REV1: variants seen among roughly 807,000 people sequenced by gnomAD.
The protein encoded by REV1 is REV1 DNA directed polymerase.
REV1 carries 42 observed loss-of-function variants against 137.4 expected under a neutral mutation model. The observed-to-expected ratio is 0.31, with a 90% CI of 0.24 to 0.40. The LOEUF (loss-of-function observed/expected upper bound fraction) is 0.40, where lower values mean the gene tolerates loss of function less well. Among genes scored for constraint, REV1 ranks in the 10% least tolerant of loss-of-function variants. REV1 has a pLI of 1.00. For synonymous variants in REV1, 524 were observed against 519.2 expected, an observed-to-expected ratio of 1.01 and a Z score of -0.12; for missense variants, 1,282 against 1,490.1, an observed-to-expected ratio of 0.86 and a Z score of 2.30.
intron 7 of REV1, among the ~76,000 whole-genome samples, chr2:99,434,980 T>C (rs1164102885): frequency 6.6e-6 from 1 of 152,172 alleles, no homozygotes; most frequent in African/African-American, 2.4e-5. Context: ...TTTCCTTTTG[T>C]ATGCATGTTA....
chr2:99,464,681 A>T (rs1418618324), intron 2 of REV1, among the ~76,000 whole-genome samples: 1 of 152,212 alleles, frequency 6.6e-6, no homozygotes, highest in Non-Finnish European at 1.5e-5. Context: ...CAATAAAATC[A>T]TCATATAGTA....
Position 99,410,771 on chromosome 2 carries a change from T to C in REV1, c.2269A>G (p.Ile757Val). 6.2e-7 allele frequency: 1 copy of C among 1,612,464 alleles called. No homozygotes were observed. The highest frequency in any genetic ancestry group is 8.5e-7 in the Non-Finnish European group (1 of 1,179,608). ...GGAGCCCCAGGCTTTCGTACCATGA[T>C]TTTGAGAGTTAGACGTTTACCCTTC... ...GMKGKRLTLK[I>V]MVRKPGAPVE... The change falls in exon 14 of 23, where the codon ATC (isoleucine) becomes GTC (valine). Residue 757 changes from isoleucine (I) to valine (V), a missense_variant. This residue lies in a region of REV1 where 372 missense variants were observed against 482.3 expected (regional missense o/e 0.77). Coordinates refer to ENST00000258428, the MANE Select transcript of REV1 (RefSeq NM_016316.4).
At chr2:99,463,222 C>CAAT (rs1389425918) in intron 2 of REV1, among the ~76,000 whole-genome samples, 1 of 151,648 alleles carries the variant, frequency 6.6e-6, no homozygotes, top group Non-Finnish European at 1.5e-5. Context: ...AAAGCTAAGT[C>CAAT]AATAATAATA....
chr2:99,410,793 C>G lies in REV1; in HGVS notation c.2247G>C (p.Lys749Asn), dbSNP rs1000511480. The G allele has an allele frequency of 7.4e-6, 12 of 1,612,162 alleles. No homozygotes were observed. The highest frequency in any genetic ancestry group is 1.0e-5 in the Non-Finnish European group (12 of 1,179,480). Reference sequence around the variant, plus strand: ...TGATTTTGAGAGTTAGACGTTTACCCTTCATGCCAGTGGCTTCTAGTCTTC... The same window carrying G: ...TGATTTTGAGAGTTAGACGTTTACCGTTCATGCCAGTGGCTTCTAGTCTTC... ...IQRRLEATGM[K>N]GKRLTLKIMV... is the part of the protein sequence containing the mutation. The change falls in exon 14 of 23, where the codon AAG becomes AAC. Residue 749 changes from lysine (K) to asparagine (N), a missense_variant. Transcript: ENST00000258428.
intron 11 of REV1, 24 bp downstream of exon 11, chr2:99,421,475 G>A: frequency 1.3e-6 from 2 of 1,596,742 alleles, no homozygotes; most frequent in Non-Finnish European, 8.5e-7. Context: ...ACTCTTTTGA[G>A]TACAAGATAA....
At chr2:99,472,616 G>A (rs737094) in intron 1 of REV1, among the ~76,000 whole-genome samples, 33,388 of 152,224 alleles carry the variant, frequency 0.22, 4,182 homozygotes, top group Admixed American at 0.31. Context: ...CAGTGGACAG[G>A]ATCTTCAGGT....
At chr2:99,407,191 T>A (rs1676447230) in intron 15 of REV1, among the ~76,000 whole-genome samples, 1 of 141,306 alleles carries the variant, frequency 7.1e-6, no homozygotes, top group South Asian at 2.3e-4. Context: ...TGGGTTCAAG[T>A]GATTCTCCTG....
intron 12 of REV1, among the ~76,000 whole-genome samples, chr2:99,416,531 G>C (rs1677884833): frequency 6.6e-6 from 1 of 152,190 alleles, no homozygotes; most frequent in African/African-American, 2.4e-5. Flanking sequence ...CTCTGAAGAA[G>C]AGAAGGCCAA....
intron 1 of REV1, among the ~76,000 whole-genome samples, chr2:99,467,615 A>C (rs911833562): frequency 6.6e-6 from 1 of 152,238 alleles, no homozygotes; most frequent in African/African-American, 2.4e-5. Flanking sequence ...GGAGAGAAAA[A>C]GTAGAGTCCA....
intron 19 of REV1, 102 bp downstream of exon 19, chr2:99,403,593 C>G (rs1675828104): frequency 6.9e-7 from 1 of 1,448,400 alleles, no homozygotes; most frequent in African/African-American, 1.4e-5. Flanking sequence ...GCTCTTAATG[C>G]AACAGCTTAG....
At chr2:99,475,162 AG>A (rs1685832774) in intron 1 of REV1, among the ~76,000 whole-genome samples, 1 of 152,178 alleles carries the variant, frequency 6.6e-6, no homozygotes, top group Non-Finnish European at 1.5e-5. Context: ...TGAGAGTACA[AG>A]GAACAAAGGA....
Position 99,408,052 on chromosome 2 carries a change from G to A in REV1, c.2425C>T (p.Leu809=). The A allele has an allele frequency of 6.2e-7, 1 of 1,600,614 alleles. No individual in the cohort carries two copies. Among genetic ancestry groups the A allele is most frequent in the South Asian group, 1.1e-5 (1 of 89,328 alleles). The change falls in exon 15 of 23, where the codon CTA becomes TTA. Residue 809 remains leucine, a synonymous_variant. Coordinates refer to ENST00000258428, the MANE Select transcript of REV1 (RefSeq NM_016316.4). ...AMLNMFHTMK[L]NISDMRGVGI... ...ACCCCTCTCATATCTGATATATTTA[G>A]TTTCATTGTATGAAACATGTTTAGC...
intron 3 of REV1, among the ~76,000 whole-genome samples, chr2:99,461,565 G>T (rs960907063): frequency 1.3e-5 from 2 of 152,154 alleles, no homozygotes; most frequent in African/African-American, 4.8e-5. Flanking sequence ...AGGGGAATAT[G>T]TAACAGACTG....
At chr2:99,459,863 G>A (rs755747308) in intron 3 of REV1, among the ~76,000 whole-genome samples, 5 of 152,176 alleles carry the variant, frequency 3.3e-5, no homozygotes, top group Non-Finnish European at 4.4e-5. Context: ...AATGTTAACT[G>A]GGTTGGAAGG....
At chr2:99,468,752 G>A (rs983480320) in intron 1 of REV1, among the ~76,000 whole-genome samples, 3 of 152,322 alleles carry the variant, frequency 2.0e-5, no homozygotes, top group African/African-American at 7.2e-5. Flanking sequence ...AAAAACGGAT[G>A]AAGAGTGAAT....
At chr2:99,444,689 A>C (rs1425233907) in intron 4 of REV1, among the ~76,000 whole-genome samples, 1 of 152,236 alleles carries the variant, frequency 6.6e-6, no homozygotes, top group Non-Finnish European at 1.5e-5. Context: ...TATAATTTGA[A>C]GCCTAAACCA....
chr2:99,452,419 T>C (rs1467330911), intron 3 of REV1, among the ~76,000 whole-genome samples: 1 of 91,296 alleles, frequency 1.1e-5, no homozygotes, highest in South Asian at 3.3e-4. Flanking sequence ...CCAGAGCCTG[T>C]CTAAAAAAAA....
At chr2:99,410,671 A>G (rs778278318) in intron 14 of REV1, 24 bp downstream of exon 14, 32 of 1,559,646 alleles carry the variant, frequency 2.1e-5, no homozygotes, top group East Asian at 2.0e-4. Context: ...ATAATTACCA[A>G]TATCATTTCT....
chr2:99,442,390 A>T lies in REV1; in HGVS notation c.430T>A (p.Phe144Ile), dbSNP rs746354888. 1 of 1,613,962 alleles carries T rather than the reference A, an allele frequency of 6.2e-7. No homozygotes were observed. The highest frequency in any genetic ancestry group is 8.5e-7 in the Non-Finnish European group (1 of 1,179,914). The change falls in exon 5 of 23, where the codon TTT (phenylalanine) becomes ATT (isoleucine). Residue 144 changes from phenylalanine to isoleucine, a missense_variant. By Grantham distance (21) the Phe-to-Ile change is conservative (BLOSUM62 0). Transcript: ENST00000258428. ...TCCTCAGGTCTGCATACAGGATTAA[A>T]GCTGAGACCTTTCTGCACACTGGAC... ...KQSSVQKGLS[F>I]NPVCRPEDPL...
Sources: gnomAD v4.1 joint callset for allele counts (sites outside exome capture counted in the v4.1 genomes callset) on GRCh38, gnomAD v4.1.1 for gene constraint, gnomAD v4.1.1 regional missense constraint, MANE v1.5 for transcripts, NCBI Gene and HGNC (gene_info 2026-07-23, HGNC 2026-07-21) for gene names.